RARB: variants seen among roughly 807,000 people sequenced by gnomAD.
RARB encodes the protein HBV-activated protein.
A neutral mutation model predicts 51.9 loss-of-function variants in RARB; 17 were observed. That is an observed-to-expected ratio of 0.33 (90% CI 0.22 to 0.49). The LOEUF is 0.49. Ranked by LOEUF, RARB falls within the 20% of genes least tolerant of loss-of-function variation. RARB has a pLI of 0.99. For synonymous variants in RARB, 215 were observed against 195.4 expected (o/e 1.10, Z -0.84); for missense variants, 369 against 550.8 (o/e 0.67, Z 3.30).
At chr3:25,367,359 G>A (rs1706153616) in intron 5 of RARB, among the ~76,000 whole-genome samples, 1 of 152,072 alleles carries the variant, frequency 6.6e-6, no homozygotes, top group Non-Finnish European at 1.5e-5. Flanking sequence ...AACTCCTTCC[G>A]TCAAATGGCA....
chr3:25,383,318 G>C (rs552409060), intron 5 of RARB, among the ~76,000 whole-genome samples: 1 of 152,156 alleles, frequency 6.6e-6, no homozygotes. Flanking sequence ...TGCACAAGAC[G>C]GTCTCTAGTT....
At chr3:24,877,744 G>C (rs1703075619) in intron 2 of RARB, among the ~76,000 whole-genome samples, 1 of 152,160 alleles carries the variant, frequency 6.6e-6, no homozygotes. Context: ...CTTTTATGCA[G>C]AGGGAAAAAG....
At chr3:25,206,213 C>G (rs1191377114) in intron 5 of RARB, among the ~76,000 whole-genome samples, 1 of 152,216 alleles carries the variant, frequency 6.6e-6, no homozygotes, top group African/African-American at 2.4e-5. Flanking sequence ...AGTGAATCCC[C>G]TCCTTGGTTC....
chr3:25,509,983 C>T (rs1319867437), intron 3 of RARB, among the ~76,000 whole-genome samples: 1 of 152,234 alleles, frequency 6.6e-6, no homozygotes, highest in African/African-American at 2.4e-5. Flanking sequence ...CTCAGCAAGA[C>T]TGCTTTTGCT....
At chr3:24,866,670 A>G (rs1008106921) in intron 2 of RARB, among the ~76,000 whole-genome samples, 3 of 152,188 alleles carry the variant, frequency 2.0e-5, no homozygotes, top group Non-Finnish European at 4.4e-5. Context: ...GTTTTCTTCC[A>G]AATGCAAGTA....
intron 5 of RARB, among the ~76,000 whole-genome samples, chr3:25,300,649 T>C (rs751574907): frequency 2.0e-5 from 3 of 152,144 alleles, no homozygotes; most frequent in Admixed American, 1.3e-4. Context: ...GCTAGGACTG[T>C]ATGTATCCCC....
At chr3:24,831,177 G>A (rs1003526103) in intron 1 of RARB, among the ~76,000 whole-genome samples, 2 of 152,038 alleles carry the variant, frequency 1.3e-5, no homozygotes, top group African/African-American at 4.8e-5. Context: ...CGGATTAAAT[G>A]GCTTGTGTAA....
At chr3:25,258,955 C>A in intron 5 of RARB, 1 of 836,030 alleles carries the variant, frequency 1.2e-6, no homozygotes, top group Non-Finnish European at 1.4e-6. Flanking sequence ...AACACCACCA[C>A]ACTGGGGACC....
At chr3:24,927,333 A>G (rs895241850) in intron 2 of RARB, among the ~76,000 whole-genome samples, 2 of 152,104 alleles carry the variant, frequency 1.3e-5, no homozygotes, top group Non-Finnish European at 2.9e-5. Flanking sequence ...ATCCCAGAGT[A>G]AGTTTGTATT....
At chr3:25,234,632 T>C (rs1702260589) in intron 5 of RARB, among the ~76,000 whole-genome samples, 1 of 149,222 alleles carries the variant, frequency 6.7e-6, no homozygotes, top group South Asian at 2.1e-4. Context: ...GCTTCACTTC[T>C]CTTTTCCCTG....
chr3:24,850,576 G>A (rs930509533), intron 1 of RARB, among the ~76,000 whole-genome samples: 5 of 152,122 alleles, frequency 3.3e-5, no homozygotes, highest in Non-Finnish European at 7.3e-5. Flanking sequence ...CATGTTTGGG[G>A]GCAGAGGGAA....
At chr3:25,458,456 A>G (rs1209898595) in intron 1 of RARB, 1 of 152,182 alleles carries the variant, frequency 6.6e-6, no homozygotes, top group Non-Finnish European at 1.5e-5. Context: ...TTGTTTTCTA[A>G]TTTTAACAAG....
At chr3:25,200,455 C>T (rs1701361391) in intron 5 of RARB, among the ~76,000 whole-genome samples, 2 of 152,118 alleles carry the variant, frequency 1.3e-5, no homozygotes, top group Non-Finnish European at 2.9e-5. Flanking sequence ...GATTAGATCC[C>T]ATTTGTCAAT....
chr3:25,582,012 G>A (rs1047108336), intron 5 of RARB, among the ~76,000 whole-genome samples: 1 of 152,220 alleles, frequency 6.6e-6, no homozygotes, highest in African/African-American at 2.4e-5. Context: ...GTGGAGTGGG[G>A]TATACGGCCA....
At chr3:25,408,097 T>C (rs1707462068) in intron 5 of RARB, among the ~76,000 whole-genome samples, 1 of 152,196 alleles carries the variant, frequency 6.6e-6, no homozygotes, top group African/African-American at 2.4e-5. Flanking sequence ...TCTCAATGTC[T>C]GTTTCTGGGG....
At chr3:25,365,609 C>CA (rs1162501683) in intron 5 of RARB, among the ~76,000 whole-genome samples, 1 of 151,886 alleles carries the variant, frequency 6.6e-6, no homozygotes, top group Non-Finnish European at 1.5e-5. Context: ...AGGGTCTCAG[C>CA]AAAAAAATGT....
At chr3:25,211,213 T>C (rs1161341106) in intron 5 of RARB, among the ~76,000 whole-genome samples, 1 of 152,192 alleles carries the variant, frequency 6.6e-6, no homozygotes, top group Non-Finnish European at 1.5e-5. Flanking sequence ...GACTATATTA[T>C]TTTATTTGAG....
intron 5 of RARB, among the ~76,000 whole-genome samples, chr3:25,412,595 C>T (rs1286604989): frequency 6.6e-6 from 1 of 152,150 alleles, no homozygotes; most frequent in Non-Finnish European, 1.5e-5. Flanking sequence ...CATCTGTCCA[C>T]TCTATTTTTA....
At chr3:24,871,524 T>C (rs751184711) in intron 2 of RARB, among the ~76,000 whole-genome samples, 2 of 152,134 alleles carry the variant, frequency 1.3e-5, no homozygotes, top group African/African-American at 4.8e-5. Context: ...AATCTATAGA[T>C]TGAATGTCCC....
Sources: gnomAD v4.1 joint callset for allele counts (sites outside exome capture counted in the v4.1 genomes callset) on GRCh38, gnomAD v4.1.1 for gene constraint, MANE v1.5 for transcripts, NCBI Gene and HGNC (gene_info 2026-07-23, HGNC 2026-07-21) for gene names.